The following PRDM9 variants were observed in gnomAD, a reference collection of about 807,000 sequenced individuals.
PRDM9 encodes the protein PR/SET domain 9, also known as histone-lysine N-methyltransferase PRDM9.
A neutral mutation model predicts 55.6 loss-of-function variants in PRDM9; 47 were observed. That is an observed-to-expected ratio of 0.85 (90% confidence interval 0.67 to 1.08). The LOEUF (loss-of-function observed/expected upper bound fraction) is 1.08. PRDM9 is among the 50% of genes least tolerant of loss of function. PRDM9 has a pLI of 0.00. For synonymous variants in PRDM9, 312 were observed against 375.7 expected, an observed-to-expected ratio of 0.83 and a Z score of 1.96; for missense variants, 867 against 1,040.3, an observed-to-expected ratio of 0.83 and a Z score of 2.29.
chr5:23,521,287 C>CT (rs1739324173), intron 6 of PRDM9, 108 bp downstream of exon 6: 1 of 1,258,456 alleles, frequency 7.9e-7, no homozygotes, highest in Non-Finnish European at 1.1e-6. Flanking sequence ...TGGGCTTAAG[C>CT]TGGACTCAAC....
intron 8 of PRDM9, 67 bp from the exon 9 acceptor site, chr5:23,523,224 T>G: frequency 1.3e-6 from 2 of 1,537,278 alleles, no homozygotes; most frequent in Non-Finnish European, 1.8e-6. Flanking sequence ...TTGACGACAG[T>G]GGAGTAAAAT....
intron 5 of PRDM9, among the ~76,000 whole-genome samples, chr5:23,518,811 G>A (rs1281328831): frequency 6.6e-6 from 1 of 152,166 alleles, no homozygotes; most frequent in Non-Finnish European, 1.5e-5. Flanking sequence ...TGTTTAGCCT[G>A]CCTGCTGCCT....
At chr5:23,510,259 C>A (rs1172572586) in intron 4 of PRDM9, among the ~76,000 whole-genome samples, 1 of 151,914 alleles carries the variant, frequency 6.6e-6, no homozygotes, top group South Asian at 2.1e-4. Flanking sequence ...TGGGGTTTCT[C>A]CGTGTTGGTC....
In PRDM9 at chr5:23,509,572, T is replaced by C; in HGVS notation, c.172T>C (p.Tyr58His). 2 of 1,614,140 alleles carry C rather than the reference T, an allele frequency of 1.2e-6. No individual in the cohort carries two copies. The highest frequency in any genetic ancestry group is 1.7e-6 in the Non-Finnish European group (2 of 1,180,030). ...KTRYRNVKRNYNALITIGLRA... is the reference protein window; with the variant it reads ...KTRYRNVKRNHNALITIGLRA... ...TCGCTATAGGAATGTGAAAAGGAACTATAATGCACTGATTACTATAGGTAA... is the reference window on the plus strand; with the variant it reads ...TCGCTATAGGAATGTGAAAAGGAACCATAATGCACTGATTACTATAGGTAA... Residue 58 changes from tyrosine to histidine, a missense_variant, in exon 3 of 11, where the codon TAT becomes CAT. This residue lies in a region of PRDM9 where 662 missense variants were observed against 711.9 expected (regional missense o/e 0.93). Transcript: ENST00000296682.
chr5:23,522,262 C>T (rs752006218), intron 6 of PRDM9, 42 bp from the exon 7 acceptor site: 11 of 1,500,328 alleles, frequency 7.3e-6, no homozygotes, highest in African/African-American at 1.4e-5. Context: ...GGACAAACAC[C>T]CCAGATTCCC....
chr5:23,524,240 T>G, intron 9 of PRDM9, 94 bp from the exon 10 acceptor site: 1 of 1,491,308 alleles, frequency 6.7e-7, no homozygotes, highest in African/African-American at 1.4e-5. Context: ...CACTAGACCA[T>G]GGAGGCCTAG....
chr5:23,514,482 C>G (rs1337844508), intron 4 of PRDM9, among the ~76,000 whole-genome samples: 2 of 151,988 alleles, frequency 1.3e-5, no homozygotes, highest in Non-Finnish European at 1.5e-5. Flanking sequence ...CAGCCTCACT[C>G]TGTTGCCCCA....
Position 23,509,548 on chromosome 5 carries a change from C to T in PRDM9, c.148C>T (p.Arg50Cys), listed in dbSNP as rs200350485. 2.4e-5 allele frequency: 38 copies of T among 1,613,998 alleles called. No homozygotes were observed. The highest frequency in any genetic ancestry group is 2.2e-5 in the South Asian group (2 of 91,068). The change falls in exon 3 of 11, where the codon CGC becomes TGC. Residue 50 changes from arginine to cysteine, a missense_variant. Arg to Cys is a radical substitution (Grantham distance 180, BLOSUM62 -3). This residue lies in a region of PRDM9 where 662 missense variants were observed against 711.9 expected (regional missense o/e 0.93). Coordinates refer to ENST00000296682, the MANE Select transcript of PRDM9 (RefSeq NM_020227.4). ...WAEMGDWEKTRYRNVKRNYNA... is the reference protein window; with the variant it reads ...WAEMGDWEKTCYRNVKRNYNA... ...AGAGATGGGAGACTGGGAGAAAACTCGCTATAGGAATGTGAAAAGGAACTA... is the reference window on the plus strand; with the variant it reads ...AGAGATGGGAGACTGGGAGAAAACTTGCTATAGGAATGTGAAAAGGAACTA...
chr5:23,525,129 G>A (rs777299011), intron 10 of PRDM9, among the ~76,000 whole-genome samples: 16 of 152,228 alleles, frequency 1.1e-4, no homozygotes, highest in Non-Finnish European at 2.1e-4. Flanking sequence ...AGAGTAGAGT[G>A]TTGCAGCGGA....
At chr5:23,510,299 G>C (rs1739069024) in intron 4 of PRDM9, among the ~76,000 whole-genome samples, 1 of 152,002 alleles carries the variant, frequency 6.6e-6, no homozygotes, top group African/African-American at 2.4e-5. Flanking sequence ...GACCTCAGGT[G>C]ATCTACCCAT....
chr5:23,524,362 G>T lies in PRDM9; in HGVS notation c.979G>T (p.Glu327Ter). ...RYVNCARDDEEQNLVAFQYHR... is the reference protein window; with the variant it reads ...RYVNCARDDE ...TGTGAACTGTGCCCGGGATGATGAA[G>T]AGCAGAACCTGGTGGCCTTCCAGTA... is the stretch of plus-strand genomic sequence containing the variant. The change falls in exon 10 of 11, where the codon GAG becomes TAG. Residue 327 changes from glutamate (E) to a stop codon, truncating the protein, a stop_gained. Coordinates refer to ENST00000296682, the MANE Select transcript of PRDM9 (RefSeq NM_020227.4). LOFTEE classifies it high-confidence loss of function. 1.9e-6 allele frequency: 3 copies of T among 1,614,006 alleles called. No individual in the cohort carries two copies. Among genetic ancestry groups the T allele is most frequent in the Non-Finnish European group, 2.5e-6 (3 of 1,179,958 alleles).
chr5:23,524,980 G>A (rs778705025), intron 10 of PRDM9, among the ~76,000 whole-genome samples: 60 of 152,172 alleles, frequency 3.9e-4, no homozygotes, highest in Non-Finnish European at 7.5e-4. Context: ...GATTGATCAA[G>A]ACAATCAGAA....
intron 1 of PRDM9, among the ~76,000 whole-genome samples, chr5:23,508,383 C>T (rs1456941217): frequency 2.0e-5 from 3 of 152,104 alleles, no homozygotes; most frequent in Admixed American, 2.0e-4. Context: ...ACCTGAAAAA[C>T]CCCAATTTCT....
rs189525139 is a variant in PRDM9, at chr5:23,509,128, G to C, written c.69+26G>C. The C allele has an allele frequency of 2.8e-3, 4,457 of 1,613,072 alleles. 8 individuals are homozygous for C. Among genetic ancestry groups the C allele is most frequent in the Non-Finnish European group, 3.1e-3 (3,658 of 1,179,118 alleles). On this transcript the variant is annotated intron_variant, in intron 2 of 10. Transcript: ENST00000296682. ...GTGAGAAGTGGAGGAAGCGAAGCTG[G>C]ACTCCTAGCAGGAGCTGATCTCTGG...
chr5:23,512,374 G>A (rs1372598318), intron 4 of PRDM9, among the ~76,000 whole-genome samples: 1 of 152,046 alleles, frequency 6.6e-6, no homozygotes, highest in African/African-American at 2.4e-5. Context: ...GAAGTAAAAA[G>A]AGTCAATCTA....
At chr5:23,523,417 T>G in intron 9 of PRDM9, 59 bp downstream of exon 9, 4 of 1,533,742 alleles carry the variant, frequency 2.6e-6, no homozygotes, top group Non-Finnish European at 3.6e-6. Context: ...AAAGCTGGAT[T>G]TCCTTCCTTA....
In PRDM9 at chr5:23,509,053, A is replaced by G. The variant is rs537694515; in HGVS notation, c.20A>G (p.Gln7Arg). Residue 7 changes from glutamine (Q) to arginine (R), a missense_variant, in exon 2 of 11, where the codon CAA becomes CGA. Around this residue, in one of 5 missense-constraint regions of PRDM9, gnomAD observed 662 missense variants for 711.9 expected, o/e 0.93. Coordinates refer to ENST00000296682, the MANE Select transcript of PRDM9 (RefSeq NM_020227.4). Reference sequence around the variant, plus strand: ...AGCACCATGAGCCCTGAAAAGTCCCAAGAGGAGAGCCCAGAAGAAGACACA... The same window carrying G: ...AGCACCATGAGCCCTGAAAAGTCCCGAGAGGAGAGCCCAGAAGAAGACACA... MSPEKSQEESPEEDTER... is the reference protein window; with the variant it reads MSPEKSREESPEEDTER... 16 of 1,614,114 alleles carry G rather than the reference A, an allele frequency of 9.9e-6. 1 individual carries two copies. In the South Asian group the frequency reaches 1.8e-4, roughly 18 times the overall value.
chr5:23,523,473 T>C, intron 9 of PRDM9, 115 bp downstream of exon 9: 1 of 1,121,316 alleles, frequency 8.9e-7, no homozygotes, highest in Non-Finnish European at 1.3e-6. Context: ...ATTTCTATTT[T>C]TCTCCATACA....
intron 9 of PRDM9, 76 bp from the exon 10 acceptor site, chr5:23,524,258 G>T: frequency 1.3e-6 from 2 of 1,553,426 alleles, no homozygotes; most frequent in Non-Finnish European, 1.8e-6. Context: ...TAGACCAGCA[G>T]GTGATGGGCC....
Sources: allele counts gnomAD v4.1 joint callset (sites outside exome capture counted in the v4.1 genomes callset), GRCh38; gene constraint gnomAD v4.1.1; regional missense constraint gnomAD v4.1.1; transcripts MANE v1.5; gene names NCBI Gene and HGNC (gene_info 2026-07-23, HGNC 2026-07-21).